Variants in PDGFD observed in about 807,000 individuals in gnomAD.
PDGFD encodes platelet derived growth factor D, also known as platelet-derived growth factor D.
A neutral mutation model predicts 44.7 loss-of-function variants in PDGFD; 30 were observed. That is an observed-to-expected ratio of 0.67 (90% CI 0.50 to 0.91). The LOEUF (loss-of-function observed/expected upper bound fraction) is 0.91. PDGFD is among the 40% of genes least tolerant of loss of function. PDGFD has a pLI of 0.00. For synonymous variants in PDGFD, 173 were observed against 168.4 expected (o/e 1.03, Z -0.21); for missense variants, 445 against 457.8 (o/e 0.97, Z 0.25).
intron 3 of PDGFD, among the ~76,000 whole-genome samples, chr11:103,964,307 G>A (rs1037490111): frequency 6.6e-6 from 1 of 152,148 alleles, no homozygotes; most frequent in Non-Finnish European, 1.5e-5. Context: ...GTGATTAGCA[G>A]CTGATATGTA....
chr11:104,109,185 G>T (rs78975130), intron 1 of PDGFD, among the ~76,000 whole-genome samples: 15,561 of 151,494 alleles, frequency 0.1, 944 homozygotes, highest in East Asian at 0.31. Flanking sequence ...ATGCACCCTA[G>T]AACTTAAAGT....
chr11:104,136,345 A>T (rs1057421130), intron 1 of PDGFD, among the ~76,000 whole-genome samples: 1 of 152,208 alleles, frequency 6.6e-6, no homozygotes, highest in African/African-American at 2.4e-5. Flanking sequence ...AGATTGAACA[A>T]GAGTGTTTAC....
At chr11:103,994,594 T>C (rs1012391949) in intron 3 of PDGFD, among the ~76,000 whole-genome samples, 1 of 152,170 alleles carries the variant, frequency 6.6e-6, no homozygotes, top group African/African-American at 2.4e-5. Context: ...AAGCAAGTTT[T>C]TTTTTCTTTT....
chr11:104,143,933 C>G (rs1862122540), intron 1 of PDGFD, among the ~76,000 whole-genome samples: 1 of 152,184 alleles, frequency 6.6e-6, no homozygotes, highest in African/African-American at 2.4e-5. Flanking sequence ...TATTTGCATA[C>G]ATATTGCTTT....
chr11:104,066,996 G>A (rs528639893), intron 1 of PDGFD, among the ~76,000 whole-genome samples: 1 of 152,134 alleles, frequency 6.6e-6, no homozygotes, highest in Non-Finnish European at 1.5e-5. Context: ...CACTGTGTTA[G>A]GTGCTGGTGA....
At chr11:103,944,748 C>CA (rs1858644310) in intron 4 of PDGFD, among the ~76,000 whole-genome samples, 1 of 152,094 alleles carries the variant, frequency 6.6e-6, no homozygotes, top group Admixed American at 6.6e-5. Flanking sequence ...CAATCAAGGT[C>CA]CAAAGGTTGC....
intron 1 of PDGFD, among the ~76,000 whole-genome samples, chr11:104,118,836 ATATAATATATTATATAT>A (rs542007133): frequency 0.033 from 1,101 of 33,534 alleles, 83 homozygotes; most frequent in African/African-American, 0.091. Context: ...AAATATTAAT[ATATAATATATTATATAT>A]TATAATATAT....
intron 1 of PDGFD, among the ~76,000 whole-genome samples, chr11:104,130,034 T>C (rs1011222453): frequency 4.6e-5 from 6 of 129,664 alleles, no homozygotes; most frequent in Non-Finnish European, 8.2e-5. Flanking sequence ...AAGAAAGAAA[T>C]AGGTAAACCA....
At chr11:104,071,566 T>C (rs1423664878) in intron 1 of PDGFD, among the ~76,000 whole-genome samples, 1 of 151,866 alleles carries the variant, frequency 6.6e-6, no homozygotes, top group African/African-American at 2.4e-5. Flanking sequence ...TTGTCTATTA[T>C]AAATATTGTA....
At chr11:103,943,972 A>G (rs1473462310) in intron 4 of PDGFD, among the ~76,000 whole-genome samples, 1 of 152,200 alleles carries the variant, frequency 6.6e-6, no homozygotes, top group African/African-American at 2.4e-5. Context: ...TTCTTGGTTC[A>G]TGGTCCCAAA....
At chr11:104,136,804 T>C (rs1026626441) in intron 1 of PDGFD, among the ~76,000 whole-genome samples, 3 of 152,218 alleles carry the variant, frequency 2.0e-5, no homozygotes, top group African/African-American at 4.8e-5. Context: ...TCATCACTTT[T>C]ATATTTTATG....
chr11:104,117,292 G>C (rs1274611979), intron 1 of PDGFD, among the ~76,000 whole-genome samples: 2 of 151,906 alleles, frequency 1.3e-5, no homozygotes, highest in African/African-American at 4.8e-5. Flanking sequence ...ATGAAGAAAA[G>C]TTGAAAGCAT....
intron 3 of PDGFD, among the ~76,000 whole-genome samples, chr11:103,962,087 A>G (rs1003023025): frequency 6.6e-6 from 1 of 152,132 alleles, no homozygotes; most frequent in Non-Finnish European, 1.5e-5. Flanking sequence ...CAGGGAAATG[A>G]GGGTGGTGGA....
intron 6 of PDGFD, among the ~76,000 whole-genome samples, chr11:103,914,591 A>G (rs493323): frequency 0.097 from 14,688 of 152,148 alleles, 1,452 homozygotes; most frequent in African/African-American, 0.24. Flanking sequence ...TCCCTAACTC[A>G]TTTTACGAGG....
At chr11:103,953,232 AAG>A (rs2134330060) in intron 3 of PDGFD, among the ~76,000 whole-genome samples, 1 of 149,324 alleles carries the variant, frequency 6.7e-6, no homozygotes, top group Admixed American at 6.6e-5. Flanking sequence ...ATAAATCTAA[AAG>A]AGATCAAAAA....
At chr11:104,020,153 A>T (rs621703) in intron 1 of PDGFD, among the ~76,000 whole-genome samples, 1 of 151,928 alleles carries the variant, frequency 6.6e-6, no homozygotes, top group Non-Finnish European at 1.5e-5. Context: ...TGCTTCAGAG[A>T]GTAGAAGCAA....
chr11:104,070,028 C>T (rs1860851077), intron 1 of PDGFD, among the ~76,000 whole-genome samples: 1 of 145,410 alleles, frequency 6.9e-6, no homozygotes, highest in Non-Finnish European at 1.6e-5. Context: ...GAAGCCCCTA[C>T]ATGTTGGACT....
chr11:104,012,463 G>T (rs1047698630), intron 1 of PDGFD, among the ~76,000 whole-genome samples: 5 of 152,164 alleles, frequency 3.3e-5, no homozygotes, highest in African/African-American at 1.2e-4. Context: ...TGCTTTTAAT[G>T]CAGACCTTTT....
intron 1 of PDGFD, among the ~76,000 whole-genome samples, chr11:104,005,615 G>T (rs1269688938): frequency 6.6e-6 from 1 of 152,158 alleles, no homozygotes; most frequent in African/African-American, 2.4e-5. Context: ...AGCAACTATT[G>T]CCAGGTACTC....
Sources: allele counts gnomAD v4.1 joint callset (sites outside exome capture counted in the v4.1 genomes callset), GRCh38; gene constraint gnomAD v4.1.1; transcripts MANE v1.5; gene names NCBI Gene and HGNC (gene_info 2026-07-23, HGNC 2026-07-21).